Variants in DCLK1 observed in about 807,000 individuals in gnomAD.
DCLK1 encodes doublecortin like kinase 1, also known as serine/threonine-protein kinase DCLK1.
Under a neutral mutation model 86.2 loss-of-function variants are expected in DCLK1, and 16 were observed. The ratio of observed to expected loss-of-function variants is 0.19; its 90% CI spans 0.13 to 0.28. The LOEUF (loss-of-function observed/expected upper bound fraction) is 0.28. Among genes scored for constraint, DCLK1 ranks in the 10% least tolerant of loss-of-function variants. The pLI is 1.00. For synonymous variants in DCLK1, 369 were observed against 370.5 expected, an observed-to-expected ratio of 1.00 and a Z score of 0.05; for missense variants, 590 against 940.2, an observed-to-expected ratio of 0.63 and a Z score of 4.87.
At chr13:36,130,578 C>T (rs1886328091) in intron 1 of DCLK1, among the ~76,000 whole-genome samples, 2 of 152,174 alleles carry the variant, frequency 1.3e-5, no homozygotes, top group Non-Finnish European at 1.5e-5. Context: ...GCCTCGCTGT[C>T]CCTGAAGGAA....
chr13:35,972,129 A>T (rs1332602539), intron 3 of DCLK1, among the ~76,000 whole-genome samples: 2 of 152,120 alleles, frequency 1.3e-5, no homozygotes, highest in African/African-American at 4.8e-5. Context: ...CAGCACCAGC[A>T]TACCTCCAAC....
intron 3 of DCLK1, among the ~76,000 whole-genome samples, chr13:36,008,139 ATTTTTTT>A (rs777909367): frequency 3.9e-5 from 4 of 102,168 alleles, no homozygotes; most frequent in South Asian, 3.4e-4. Context: ...TCTCTCTAAA[ATTTTTTT>A]TTTTTTTTTT....
chr13:36,108,502 G>A lies in DCLK1; in HGVS notation c.723+3367C>T, dbSNP rs77169179. The stretch of plus-strand genomic sequence containing the variant: ...TGGTAGAAACAAGTGAGAACAGCAT[G>A]TGGTCTGTGCCCTCCGGTGTCCGTC... On this transcript the variant is annotated intron_variant, in intron 3 of 16. Coordinates refer to ENST00000360631, the MANE Select transcript of DCLK1 (RefSeq NM_001330071.2). 4.0e-3 allele frequency among the ~76,000 whole-genome samples: 609 copies of A among 152,308 alleles called. 8 individuals carry two copies. Among genetic ancestry groups the A allele is most frequent in the African/African-American group, 0.014 (584 of 41,572 alleles).
chr13:35,788,138 G>A (rs2086653496), intron 16 of DCLK1: 16 of 1,382,622 alleles, frequency 1.2e-5, no homozygotes, highest in Non-Finnish European at 1.7e-5. Flanking sequence ...TTTATCCACC[G>A]AAGGAACTGG....
chr13:35,792,463 TGA>T (rs754841722), intron 16 of DCLK1, among the ~76,000 whole-genome samples: 21 of 152,102 alleles, frequency 1.4e-4, no homozygotes, highest in Non-Finnish European at 2.9e-4. Flanking sequence ...TGCTCATGAG[TGA>T]GAGGTGCTGT....
Position 35,987,001 on chromosome 13 carries a change from G to C in DCLK1, c.724-39544C>G, listed in dbSNP as rs186944555. On this transcript the variant is annotated intron_variant, in intron 3 of 16. Transcript: ENST00000360631. ...TGCACTGAAAAGGTTTAATGCTCTT[G>C]TAAAAGCTCCATTTTCCTAATAATA... is the stretch of plus-strand genomic sequence containing the variant. Among the ~76,000 whole-genome samples, 373 of 152,314 alleles carry C rather than the reference G, an allele frequency of 2.4e-3. 6 individuals are homozygous for C. Among genetic ancestry groups the C allele is most frequent in the Admixed American group, 0.02 (306 of 15,298 alleles).
chr13:36,123,693 T>G (rs1449393069), intron 2 of DCLK1, among the ~76,000 whole-genome samples: 1 of 152,256 alleles, frequency 6.6e-6, no homozygotes, highest in Non-Finnish European at 1.5e-5. Context: ...AATATAAGGA[T>G]AACAGTTCCC....
At chr13:35,987,514 G>A (rs1593795033) in intron 3 of DCLK1, among the ~76,000 whole-genome samples, 1 of 152,146 alleles carries the variant, frequency 6.6e-6, no homozygotes, top group East Asian at 1.9e-4. Flanking sequence ...GGTGCTTGAG[G>A]GGAGGGATAC....
chr13:36,061,886 C>T (rs1193874843), intron 3 of DCLK1, among the ~76,000 whole-genome samples: 1 of 152,162 alleles, frequency 6.6e-6, no homozygotes, highest in Non-Finnish European at 1.5e-5. Context: ...TATCCACCAT[C>T]AATGTGTTGT....
At chr13:36,126,530 G>T (rs950061903) in intron 1 of DCLK1, among the ~76,000 whole-genome samples, 2 of 152,000 alleles carry the variant, frequency 1.3e-5, no homozygotes, top group Admixed American at 1.3e-4. Flanking sequence ...AACCCCTTTG[G>T]CCTCCCAAAG....
At chr13:35,948,591 C>T (rs182812948) in intron 3 of DCLK1, among the ~76,000 whole-genome samples, 9 of 152,238 alleles carry the variant, frequency 5.9e-5, no homozygotes, top group Admixed American at 6.5e-5. Flanking sequence ...GTTGAGAGAA[C>T]GCAGCATTAT....
At chr13:35,794,799 C>CA (rs2086775061) in intron 15 of DCLK1, among the ~76,000 whole-genome samples, 1 of 152,162 alleles carries the variant, frequency 6.6e-6, no homozygotes, top group South Asian at 2.1e-4. Flanking sequence ...TTCATTATAT[C>CA]AATTTGCACT....
intron 4 of DCLK1, among the ~76,000 whole-genome samples, chr13:35,890,227 C>T (rs17053111): frequency 0.087 from 13,164 of 152,138 alleles, 897 homozygotes; most frequent in African/African-American, 0.18. Flanking sequence ...ATAACAATTT[C>T]TTGGCTGGTC....
intron 3 of DCLK1, among the ~76,000 whole-genome samples, chr13:36,092,965 C>CA (rs78194441): frequency 0.41 from 61,698 of 149,986 alleles, 12,650 homozygotes; most frequent in East Asian, 0.52. Context: ...TAAGACAAGT[C>CA]AAAAAAAAAG....
Position 35,773,468 on chromosome 13 carries a change from T to G in DCLK1, c.*1067A>C, listed in dbSNP as rs1471305511. ...AGAACATTCTGGATTGTGTTCCCAG[T>G]GTGCTTTCTCCTCAGCCATCTTGCA... On this transcript the variant is annotated 3_prime_UTR_variant, in exon 17 of 17. Coordinates refer to ENST00000360631, the MANE Select transcript of DCLK1 (RefSeq NM_001330071.2). 6.6e-6 allele frequency: 1 copy of G among 152,030 alleles called. No individual in the cohort carries two copies. Among genetic ancestry groups the G allele is most frequent in the Non-Finnish European group, 1.5e-5 (1 of 67,978 alleles). The allele number at this position is 152,030 out of a possible 1,614,324, so 9.4% of individuals were successfully genotyped here. A position where few individuals can be genotyped will look rare whatever the true frequency, so the allele number is the denominator to read the frequency against.
intron 3 of DCLK1, among the ~76,000 whole-genome samples, chr13:35,962,310 C>T (rs762755928): frequency 1.3e-5 from 2 of 151,996 alleles, no homozygotes; most frequent in African/African-American, 2.4e-5. Context: ...TGACTGGTGG[C>T]CTTATAAGAA....
chr13:35,827,767 A>G lies in DCLK1; in HGVS notation c.1288-13T>C. 1.9e-6 allele frequency: 3 copies of G among 1,613,182 alleles called. No homozygotes were observed. Among genetic ancestry groups the G allele is most frequent in the African/African-American group, 1.3e-5 (1 of 75,048 alleles). On this transcript the variant is annotated splice_polypyrimidine_tract_variant and intron_variant, in intron 9 of 16. Coordinates refer to ENST00000360631, the MANE Select transcript of DCLK1 (RefSeq NM_001330071.2). ...GGATCATGTGCTCCTGTCCAAAGGAAAAGTTATCTTCATCAGCTTCCATAA... is the reference window on the plus strand; with the variant it reads ...GGATCATGTGCTCCTGTCCAAAGGAGAAGTTATCTTCATCAGCTTCCATAA...
chr13:36,041,887 G>A (rs1882713336), intron 3 of DCLK1, among the ~76,000 whole-genome samples: 1 of 152,138 alleles, frequency 6.6e-6, no homozygotes, highest in Non-Finnish European at 1.5e-5. Context: ...TTATGCATTA[G>A]TAAGAATACG....
intron 6 of DCLK1, chr13:35,849,866 G>GAA (rs1241496180): frequency 3.4e-5 from 26 of 753,680 alleles, no homozygotes; most frequent in African/African-American, 7.8e-5. Context: ...GGTCTGTATG[G>GAA]AAAAAAAAAA....
Sources: allele counts gnomAD v4.1 joint callset (sites outside exome capture counted in the v4.1 genomes callset), GRCh38; gene constraint gnomAD v4.1.1; transcripts MANE v1.5; gene names NCBI Gene and HGNC (gene_info 2026-07-23, HGNC 2026-07-21).